Variants in KIAA1549L observed in about 807,000 individuals in gnomAD.
The protein encoded by KIAA1549L is UPF0606 protein KIAA1549L.
In KIAA1549L, 88 loss-of-function variants were observed where a neutral mutation model predicts 160.7. The observed-to-expected ratio is 0.55, with a 90% CI of 0.46 to 0.65. The LOEUF is 0.65. KIAA1549L is among the 30% of genes least tolerant of loss of function. The probability of loss-of-function intolerance (pLI) is 0.00; values close to 1 mark genes in which losing one functional copy is unlikely to be tolerated. For missense variants in KIAA1549L, 2,258 were observed against 2,437.5 expected, an observed-to-expected ratio of 0.93 and a Z score of 1.55; for synonymous variants, 950 against 976.7, an observed-to-expected ratio of 0.97 and a Z score of 0.51.
intron 17 of KIAA1549L, among the ~76,000 whole-genome samples, chr11:33,651,625 C>T (rs1032395700): frequency 6.6e-6 from 1 of 152,108 alleles, no homozygotes; most frequent in African/African-American, 2.4e-5. Flanking sequence ...AGGCTGTCCC[C>T]TGCAGCCTGT....
intron 1 of KIAA1549L, among the ~76,000 whole-genome samples, chr11:33,462,932 T>G (rs1302257451): frequency 6.6e-6 from 1 of 152,118 alleles, no homozygotes; most frequent in Non-Finnish European, 1.5e-5. Flanking sequence ...CTTAAGTGAT[T>G]CCTCCCACCT....
chr11:33,661,896 AAAAAAAAAAAG>A lies in KIAA1549L; in HGVS notation c.6159+886_6159+896del, dbSNP rs1316015128. On this transcript the variant is annotated intron_variant, in intron 20 of 20. Coordinates refer to ENST00000658780, the MANE Select transcript of KIAA1549L (RefSeq NM_012194.3). Reference sequence around the variant, plus strand: ...CTATGTCTCAAAAAAAAAAAAAAAAAAAAAAAAAAAGAAACCCAAGACTGAATTATTACATT... The same window carrying A: ...CTATGTCTCAAAAAAAAAAAAAAAAAAAACCCAAGACTGAATTATTACATT... Among the ~76,000 whole-genome samples the A allele has an allele frequency of 4.6e-5, 7 of 151,090 alleles. No homozygotes were observed. In the South Asian group the frequency reaches 1.1e-3, roughly 23 times the overall value.
In KIAA1549L at chr11:33,670,230, G is replaced by A. The variant is rs555673652; in HGVS notation, c.*2076G>A. 2 of 152,288 alleles carry A rather than the reference G, an allele frequency of 1.3e-5. No homozygotes were observed. The highest frequency in any genetic ancestry group is 2.1e-4 in the South Asian group (1 of 4,830). The allele number at this position is 152,288 out of a possible 1,614,324, so 9.4% of individuals were successfully genotyped here. A position where few individuals can be genotyped will look rare whatever the true frequency, so the allele number is the denominator to read the frequency against. ...TATCAACCAGTACTTTGTCTACTTG[G>A]TAAATGCCTGGAAATACTGTATGTG... is the stretch of plus-strand genomic sequence containing the variant. On this transcript the variant is annotated 3_prime_UTR_variant, in exon 21 of 21. Coordinates refer to ENST00000658780, the MANE Select transcript of KIAA1549L (RefSeq NM_012194.3).
At chr11:33,422,911 T>C (rs1433325057) in intron 1 of KIAA1549L, among the ~76,000 whole-genome samples, 2 of 152,236 alleles carry the variant, frequency 1.3e-5, no homozygotes, top group African/African-American at 4.8e-5. Flanking sequence ...CCCCTACCAA[T>C]TGTATAGGTT....
intron 1 of KIAA1549L, among the ~76,000 whole-genome samples, chr11:33,514,271 A>G (rs1483118438): frequency 6.6e-6 from 1 of 152,230 alleles, no homozygotes; most frequent in Non-Finnish European, 1.5e-5. Context: ...GTAGTATTTT[A>G]TGCAAAGTCA....
chr11:33,593,890 C>T (rs1424715933), intron 12 of KIAA1549L, among the ~76,000 whole-genome samples: 4 of 151,974 alleles, frequency 2.6e-5, no homozygotes, highest in Non-Finnish European at 4.4e-5. Context: ...TGTAATTACT[C>T]TATAAGACTG....
At chr11:33,523,351 C>T (rs1283348785) in intron 1 of KIAA1549L, among the ~76,000 whole-genome samples, 4 of 152,164 alleles carry the variant, frequency 2.6e-5, no homozygotes, top group Non-Finnish European at 5.9e-5. Context: ...TATGCGTATG[C>T]CCTGTGAATC....
At chr11:33,663,232 T>C (rs1852325949) in intron 20 of KIAA1549L, among the ~76,000 whole-genome samples, 1 of 152,196 alleles carries the variant, frequency 6.6e-6, no homozygotes, top group African/African-American at 2.4e-5. Context: ...TAAAATCACC[T>C]GGACCTGGGA....
intron 10 of KIAA1549L, among the ~76,000 whole-genome samples, chr11:33,576,836 G>A (rs1432407382): frequency 2.0e-5 from 3 of 152,298 alleles, no homozygotes; most frequent in African/African-American, 7.2e-5. Context: ...GATGGGAACA[G>A]GGGAGATGGA....
At position 33,672,772 on chromosome 11, in the gene KIAA1549L, T is replaced by G. The variant is rs1197491509; in HGVS notation, c.*4618T>G. 1 of 153,828 alleles carries G rather than the reference T, an allele frequency of 6.5e-6. No homozygotes were observed. Among genetic ancestry groups the G allele is most frequent in the Non-Finnish European group, 1.5e-5 (1 of 68,070 alleles). The allele number at this position is 153,828 out of a possible 1,614,324, so 9.5% of individuals were successfully genotyped here. ...CACCACCAGTTATTGATACAGCCGC[T>G]GGGTCTAGGAAGCGATTTCTGAACA... On this transcript the variant is annotated 3_prime_UTR_variant, in exon 21 of 21. Transcript: ENST00000658780.
intron 1 of KIAA1549L, among the ~76,000 whole-genome samples, chr11:33,427,684 A>G (rs1327073774): frequency 3.3e-5 from 5 of 152,156 alleles, no homozygotes; most frequent in African/African-American, 1.2e-4. Flanking sequence ...TGTACAACTC[A>G]GTAGCATTTA....
At chr11:33,435,804 ATATATATGTGTGTG>A (rs1287052969) in intron 1 of KIAA1549L, among the ~76,000 whole-genome samples, 2 of 17,128 alleles carry the variant, frequency 1.2e-4, no homozygotes, top group Non-Finnish European at 9.8e-5. Flanking sequence ...ATATATATAT[ATATATATGTGTGTG>A]TATATATATA....
rs147159775 is a variant in KIAA1549L at position 33,655,505 on chromosome 11, A to T, written c.5761-507A>T. The stretch of plus-strand genomic sequence containing the variant: ...CCATTTAATCATCTAATATTTATTG[A>T]TAACCTGTTATATACCAGGCACTGT... On this transcript the variant is annotated intron_variant, in intron 17 of 20. Coordinates refer to ENST00000658780, the MANE Select transcript of KIAA1549L (RefSeq NM_012194.3). Among the ~76,000 whole-genome samples, 70 of 152,334 alleles carry T rather than the reference A, an allele frequency of 4.6e-4. No homozygotes were observed. The East Asian group carries it at 0.013, about 28-fold the overall frequency.
chr11:33,588,211 G>A (rs971333225), intron 11 of KIAA1549L, among the ~76,000 whole-genome samples: 1 of 152,144 alleles, frequency 6.6e-6, no homozygotes, highest in Non-Finnish European at 1.5e-5. Flanking sequence ...AAACTGAGCC[G>A]CTTGAGGGTG....
At chr11:33,417,953 A>G (rs1482915007) in intron 1 of KIAA1549L, among the ~76,000 whole-genome samples, 3 of 151,938 alleles carry the variant, frequency 2.0e-5, no homozygotes, top group Admixed American at 2.0e-4. Flanking sequence ...AATTTTTTAT[A>G]TTTTTAGTAG....
chr11:33,382,357 T>C (rs953671997), intron 1 of KIAA1549L, among the ~76,000 whole-genome samples: 2 of 152,160 alleles, frequency 1.3e-5, no homozygotes, highest in East Asian at 3.9e-4. Context: ...GCACTAGCAA[T>C]GCACGTTGAG....
intron 1 of KIAA1549L, among the ~76,000 whole-genome samples, chr11:33,488,010 G>T: frequency 6.6e-6 from 1 of 152,174 alleles, no homozygotes; most frequent in Non-Finnish European, 1.5e-5. Context: ...TTGCGAGACT[G>T]GTTCTGATCC....
In KIAA1549L at chr11:33,638,414, A is replaced by AAAATAAAT. The variant is rs1202181505; in HGVS notation, c.5410-7268_5410-7261dup. The stretch of plus-strand genomic sequence containing the variant: ...ATTCATCTATGTTATTTTATTCTCT[A>AAAATAAAT]AAATAAATAAAAAAAAAAAAAATAA... On this transcript the variant is annotated intron_variant, in intron 16 of 20. Coordinates refer to ENST00000658780, the MANE Select transcript of KIAA1549L (RefSeq NM_012194.3). 1.0e-3 allele frequency among the ~76,000 whole-genome samples: 14 copies of AAAATAAAT among 13,666 alleles called. No homozygotes were observed. The African/African-American group carries it at 0.011, about 11-fold the overall frequency. 9.0% of individuals were successfully genotyped at this position (13,666 alleles called of 152,430 possible). A position where few individuals can be genotyped will look rare whatever the true frequency, so the allele number is the denominator to read the frequency against.
At chr11:33,601,773 T>C (rs944193478) in intron 13 of KIAA1549L, among the ~76,000 whole-genome samples, 1 of 152,216 alleles carries the variant, frequency 6.6e-6, no homozygotes, top group Non-Finnish European at 1.5e-5. Flanking sequence ...TTTTCTTTTA[T>C]GTAAAAAAGA....
Sources: allele counts gnomAD v4.1 joint callset (sites outside exome capture counted in the v4.1 genomes callset), GRCh38; gene constraint gnomAD v4.1.1; transcripts MANE v1.5; gene names NCBI Gene and HGNC (gene_info 2026-07-23, HGNC 2026-07-21).